The following CDH18 variants were observed in gnomAD, a reference collection of about 807,000 sequenced individuals.
CDH18 encodes the protein cadherin-18.
In CDH18, 31 loss-of-function variants were observed where a neutral mutation model predicts 67.9. The ratio of observed to expected loss-of-function variants is 0.46; its 90% confidence interval spans 0.34 to 0.62. The LOEUF (loss-of-function observed/expected upper bound fraction) is 0.62, where lower values mean the gene tolerates loss of function less well. Among genes scored for constraint, CDH18 ranks in the 20% least tolerant of loss-of-function variants. The pLI is 0.01. For missense variants in CDH18, 890 were observed against 975.5 expected, an observed-to-expected ratio of 0.91 and a Z score of 1.17; for synonymous variants, 362 against 347.2, an observed-to-expected ratio of 1.04 and a Z score of -0.48.
intron 2 of CDH18, among the ~76,000 whole-genome samples, chr5:20,214,095 C>A (rs183348326): frequency 6.6e-6 from 1 of 151,806 alleles, no homozygotes; most frequent in Non-Finnish European, 1.5e-5. Context: ...ACAATTACCA[C>A]GAAAAAGAAT....
intron 2 of CDH18, among the ~76,000 whole-genome samples, chr5:20,156,632 G>A (rs978956087): frequency 3.3e-5 from 5 of 152,076 alleles, no homozygotes; most frequent in Admixed American, 2.0e-4. Flanking sequence ...ACACTATTCA[G>A]GTGATGGGTA....
intron 1 of CDH18, among the ~76,000 whole-genome samples, chr5:20,513,477 AC>A (rs1755170957): frequency 6.6e-6 from 1 of 152,146 alleles, no homozygotes. Flanking sequence ...TGGTCCAATG[AC>A]CAAAGTTTTA....
rs1458151657 is a variant in CDH18 at position 20,305,386 on chromosome 5, T to C, written c.-579-49881A>G. ...ACTGGCCACAGAGAATGTTCCCACC[T>C]CTTCAGCTTCATCTTCTTGATCCCA... On this transcript the variant is annotated intron_variant, in intron 1 of 14. Transcript: ENST00000507958. The C allele has an allele frequency of 8.4e-6, 13 of 1,550,078 alleles. No individual in the cohort carries two copies. In the Admixed American group the frequency reaches 1.8e-4, roughly 22 times the overall value.
chr5:19,955,391 A>C (rs1335672809), intron 2 of CDH18, among the ~76,000 whole-genome samples: 1 of 152,130 alleles, frequency 6.6e-6, no homozygotes, highest in Non-Finnish European at 1.5e-5. Context: ...AAAGCAAAAA[A>C]AGAACTAAAT....
chr5:19,585,406 C>T lies in CDH18; in HGVS notation c.999+5651G>A, dbSNP rs141461956. The stretch of plus-strand genomic sequence containing the variant: ...GACTTAATACACAGGAACGCCACCA[C>T]TGCACCCATACACATCCTCACTACA... On this transcript the variant is annotated intron_variant, in intron 7 of 12. Transcript: ENST00000382275. 2.3e-3 allele frequency among the ~76,000 whole-genome samples: 347 copies of T among 152,282 alleles called. 1 individual carries two copies. The Middle Eastern group carries it at 0.024, about 10-fold the overall frequency.
At chr5:19,519,789 G>T (rs1178299017) in intron 10 of CDH18, among the ~76,000 whole-genome samples, 2 of 152,046 alleles carry the variant, frequency 1.3e-5, no homozygotes, top group Non-Finnish European at 2.9e-5. Context: ...GCCTTGAGGA[G>T]TAAAGGAAAG....
chr5:20,555,520 C>T (rs530123805), intron 1 of CDH18, among the ~76,000 whole-genome samples: 1 of 145,488 alleles, frequency 6.9e-6, no homozygotes, highest in East Asian at 2.1e-4. Flanking sequence ...TCTCCGTTCA[C>T]TGCAACCTCT....
intron 2 of CDH18, among the ~76,000 whole-genome samples, chr5:20,064,478 C>A (rs1742797218): frequency 1.3e-5 from 2 of 152,070 alleles, no homozygotes; most frequent in Admixed American, 1.3e-4. Flanking sequence ...GTTTCAACAA[C>A]CCCAATTTCT....
chr5:20,439,167 C>T (rs369003697), intron 1 of CDH18, among the ~76,000 whole-genome samples: 2 of 150,460 alleles, frequency 1.3e-5, no homozygotes, highest in South Asian at 4.2e-4. Context: ...TTTGGATCAA[C>T]ATAATTCCAC....
chr5:19,838,269 T>C (rs1159924457), intron 3 of CDH18, among the ~76,000 whole-genome samples: 3 of 152,156 alleles, frequency 2.0e-5, no homozygotes, highest in African/African-American at 7.2e-5. Flanking sequence ...ATAGAGAATA[T>C]TAGATATTTT....
chr5:20,116,228 G>A (rs566031153), intron 2 of CDH18, among the ~76,000 whole-genome samples: 54 of 152,194 alleles, frequency 3.5e-4, no homozygotes, highest in African/African-American at 1.2e-3. Context: ...TGGCAAGTAG[G>A]ATGGGGACAG....
At chr5:20,137,610 C>T (rs192394179) in intron 2 of CDH18, among the ~76,000 whole-genome samples, 1 of 152,082 alleles carries the variant, frequency 6.6e-6, no homozygotes, top group Non-Finnish European at 1.5e-5. Flanking sequence ...CATTCTCCGT[C>T]CACCTTTGTT....
intron 1 of CDH18, among the ~76,000 whole-genome samples, chr5:20,292,328 G>C (rs1747164148): frequency 6.6e-6 from 1 of 152,150 alleles, no homozygotes. Flanking sequence ...AAAGTAATTG[G>C]ATTTGAGGAT....
chr5:19,585,800 TCC>T (rs963500211), intron 7 of CDH18, among the ~76,000 whole-genome samples: 5 of 152,216 alleles, frequency 3.3e-5, no homozygotes, highest in African/African-American at 1.2e-4. Flanking sequence ...ATTTTTTTCC[TCC>T]CATATTTTTG....
At chr5:20,078,909 C>T (rs575125612) in intron 2 of CDH18, among the ~76,000 whole-genome samples, 2 of 152,276 alleles carry the variant, frequency 1.3e-5, no homozygotes, top group South Asian at 2.1e-4. Context: ...AGCCACTGTG[C>T]CCGGCCCCTT....
intron 1 of CDH18, among the ~76,000 whole-genome samples, chr5:20,554,332 T>C (rs1757791132): frequency 6.6e-6 from 1 of 152,196 alleles, no homozygotes; most frequent in African/African-American, 2.4e-5. Flanking sequence ...GTCTTTCACA[T>C]ACTAAAGGTC....
chr5:20,336,574 T>C (rs1216518409), intron 1 of CDH18, among the ~76,000 whole-genome samples: 2 of 151,470 alleles, frequency 1.3e-5, no homozygotes, highest in Non-Finnish European at 2.9e-5. Flanking sequence ...TACAAAAAAA[T>C]TAGCCGGCCG....
At chr5:19,636,951 T>G (rs1657059431) in intron 5 of CDH18, among the ~76,000 whole-genome samples, 3 of 152,062 alleles carry the variant, frequency 2.0e-5, no homozygotes, top group Non-Finnish European at 4.4e-5. Flanking sequence ...TTCTTCTCTT[T>G]AAGCGAGAAA....
intron 5 of CDH18, among the ~76,000 whole-genome samples, chr5:19,643,410 C>T (rs915838358): frequency 6.6e-6 from 1 of 152,016 alleles, no homozygotes; most frequent in African/African-American, 2.4e-5. Flanking sequence ...AATTCACAAT[C>T]GCTAAGATAA....
Sources: gnomAD v4.1 joint callset for allele counts (sites outside exome capture counted in the v4.1 genomes callset) on GRCh38, gnomAD v4.1.1 for gene constraint, MANE v1.5 for transcripts, NCBI Gene and HGNC (gene_info 2026-07-23, HGNC 2026-07-21) for gene names.